Variants in ZRANB3 observed in about 807,000 individuals in gnomAD.
The protein encoded by ZRANB3 is DNA annealing helicase and endonuclease ZRANB3.
Under a neutral mutation model 133.8 loss-of-function variants are expected in ZRANB3, and 125 were observed. The ratio of observed to expected loss-of-function variants is 0.93; its 90% CI spans 0.81 to 1.08. The LOEUF is 1.08. Ranked by LOEUF, ZRANB3 falls within the 50% of genes least tolerant of loss-of-function variation. ZRANB3 has a pLI of 0.00. For missense variants in ZRANB3, 1,229 were observed against 1,275.5 expected (o/e 0.96, Z 0.56); for synonymous variants, 387 against 432.7 (o/e 0.89, Z 1.31).
At chr2:135,250,903 T>A (rs1679361614) in intron 12 of ZRANB3, among the ~76,000 whole-genome samples, 1 of 152,142 alleles carries the variant, frequency 6.6e-6, no homozygotes, top group Non-Finnish European at 1.5e-5. Flanking sequence ...CACTGCCTAG[T>A]GGAGCTGTGA....
At position 135,239,845 on chromosome 2, in the gene ZRANB3, G is replaced by A. The variant is rs112143674; in HGVS notation, c.1540-8918C>T. 3.0e-3 allele frequency among the ~76,000 whole-genome samples: 454 copies of A among 152,120 alleles called. 2 individuals are homozygous for A. Among genetic ancestry groups the A allele is most frequent in the African/African-American group, 0.01 (421 of 41,498 alleles). On this transcript the variant is annotated intron_variant, in intron 12 of 20. Coordinates refer to ENST00000264159, the MANE Select transcript of ZRANB3 (RefSeq NM_032143.4). Reference sequence around the variant, plus strand: ...CTACTAATACAAAAATTAGCTGGGCGTGGTGGCATGCACCTGTAGTCCCAG... The same window carrying A: ...CTACTAATACAAAAATTAGCTGGGCATGGTGGCATGCACCTGTAGTCCCAG...
At chr2:135,291,864 C>A (rs531137799) in intron 8 of ZRANB3, among the ~76,000 whole-genome samples, 1 of 151,766 alleles carries the variant, frequency 6.6e-6, no homozygotes, top group South Asian at 2.1e-4. Context: ...TTTCTCCTTG[C>A]GATAGTTTGC....
intron 8 of ZRANB3, among the ~76,000 whole-genome samples, chr2:135,292,866 G>A (rs1013193608): frequency 5.3e-5 from 8 of 151,848 alleles, no homozygotes; most frequent in Non-Finnish European, 1.2e-4. Context: ...TTTCCCCATT[G>A]CTTGTTTTTC....
chr2:135,520,654 G>A lies in ZRANB3; in HGVS notation c.-8+10473C>T, dbSNP rs370975388. Among the ~76,000 whole-genome samples, 10 of 151,676 alleles carry A rather than the reference G, an allele frequency of 6.6e-5. No individual in the cohort carries two copies. The East Asian group carries it at 1.4e-3, about 21-fold the overall frequency. On this transcript the variant is annotated intron_variant, in intron 1 of 20. Transcript: ENST00000264159. ...GGCTAGAGTGCAGTGGTGTGCTCTC[G>A]GCTCACTGCAACCTCCGGCTCCTGG...
rs1400156797 is a variant in ZRANB3 at position 135,230,529 on chromosome 2, A to C, written c.1938T>G (p.Thr646=). Residue 646 remains threonine (T), a synonymous_variant, in exon 13 of 21, where the codon ACT becomes ACG. Coordinates refer to ENST00000264159, the MANE Select transcript of ZRANB3 (RefSeq NM_032143.4). ...SELPYCEMCE[T]PQGSAVMQID... is the part of the protein sequence containing the mutation. Reference sequence around the variant, plus strand: ...TATACTCACCAGCACTGCCTTGAGGAGTCTCACACATTTCACAATAAGGTA... The same window carrying C: ...TATACTCACCAGCACTGCCTTGAGGCGTCTCACACATTTCACAATAAGGTA... The C allele has an allele frequency of 6.5e-7, 1 of 1,539,928 alleles. No homozygotes were observed. Among genetic ancestry groups the C allele is most frequent in the Non-Finnish European group, 8.7e-7 (1 of 1,146,782 alleles).
chr2:135,287,950 G>A (rs1420564158), intron 8 of ZRANB3, among the ~76,000 whole-genome samples: 1 of 152,032 alleles, frequency 6.6e-6, no homozygotes, highest in Non-Finnish European at 1.5e-5. Context: ...GACTGCTCTG[G>A]CTAGGACTTT....
intron 6 of ZRANB3, among the ~76,000 whole-genome samples, chr2:135,344,974 T>A (rs1277395789): frequency 6.6e-6 from 1 of 152,136 alleles, no homozygotes; most frequent in African/African-American, 2.4e-5. Context: ...ACTGCTTACA[T>A]GGGAAGGGAA....
chr2:135,506,761 C>T (rs1693208050), intron 1 of ZRANB3, among the ~76,000 whole-genome samples: 1 of 152,152 alleles, frequency 6.6e-6, no homozygotes, highest in African/African-American at 2.4e-5. Context: ...ATCTGACTTA[C>T]ATTTCAAAAA....
chr2:135,209,143 G>A (rs1693999804), intron 17 of ZRANB3, among the ~76,000 whole-genome samples, 165 bp from the exon 18 acceptor site: 1 of 152,048 alleles, frequency 6.6e-6, no homozygotes, highest in Admixed American at 6.5e-5. Flanking sequence ...CCTTTATCTT[G>A]GTGTCCATTA....
At chr2:135,209,032 T>G in intron 17 of ZRANB3, 54 bp from the exon 18 acceptor site, 1 of 1,512,862 alleles carries the variant, frequency 6.6e-7, no homozygotes, top group Non-Finnish European at 9.2e-7. Flanking sequence ...AAAATGTCTC[T>G]ATTGCATGTT....
intron 6 of ZRANB3, among the ~76,000 whole-genome samples, chr2:135,329,344 G>A (rs1684018800): frequency 6.6e-6 from 1 of 152,036 alleles, no homozygotes; most frequent in African/African-American, 2.4e-5. Context: ...GTTTTTGTTG[G>A]GTTTGTCAAA....
intron 3 of ZRANB3, among the ~76,000 whole-genome samples, chr2:135,378,921 T>G (rs141019783): frequency 6.6e-6 from 1 of 152,330 alleles, no homozygotes; most frequent in Non-Finnish European, 1.5e-5. Context: ...ATTGCTAATA[T>G]GCAGAGTAAT....
chr2:135,224,561 C>CT, intron 14 of ZRANB3, 44 bp from the exon 15 acceptor site: 1 of 1,442,324 alleles, frequency 6.9e-7, no homozygotes, highest in Non-Finnish European at 9.7e-7. Context: ...TATCTACCCT[C>CT]TATCTAAAAT....
At chr2:135,218,339 A>G (rs1272843883) in intron 16 of ZRANB3, among the ~76,000 whole-genome samples, 1 of 152,196 alleles carries the variant, frequency 6.6e-6, no homozygotes, top group Non-Finnish European at 1.5e-5. Context: ...GAAAAAAAAC[A>G]TCAATAAATC....
At chr2:135,524,301 C>T (rs1430157065) in intron 1 of ZRANB3, among the ~76,000 whole-genome samples, 2 of 152,000 alleles carry the variant, frequency 1.3e-5, no homozygotes, top group African/African-American at 2.4e-5. Flanking sequence ...AGGCTGGTCT[C>T]GAACTCCCGA....
intron 2 of ZRANB3, among the ~76,000 whole-genome samples, chr2:135,453,490 C>T (rs1690365418): frequency 6.6e-6 from 1 of 152,170 alleles, no homozygotes; most frequent in African/African-American, 2.4e-5. Context: ...AAACGGAATG[C>T]CTTTAACAGT....
chr2:135,276,138 CAGAA>C (rs1416921200), intron 8 of ZRANB3, among the ~76,000 whole-genome samples: 7 of 146,202 alleles, frequency 4.8e-5, no homozygotes, highest in African/African-American at 1.8e-4. Context: ...AAGGAGAAAA[CAGAA>C]AGCAAAAAAA....
At chr2:135,253,819 G>T (rs1454987220) in intron 12 of ZRANB3, among the ~76,000 whole-genome samples, 1 of 152,164 alleles carries the variant, frequency 6.6e-6, no homozygotes, top group Non-Finnish European at 1.5e-5. Flanking sequence ...ATTATGTGGT[G>T]TATGACTGTA....
chr2:135,271,953 T>C, intron 9 of ZRANB3, 66 bp from the exon 10 acceptor site: 1 of 1,405,744 alleles, frequency 7.1e-7, no homozygotes, highest in Non-Finnish European at 9.3e-7. Context: ...ATTTTATATA[T>C]TTTACAGCTT....
Sources: gnomAD v4.1 joint callset for allele counts (sites outside exome capture counted in the v4.1 genomes callset) on GRCh38, gnomAD v4.1.1 for gene constraint, MANE v1.5 for transcripts, NCBI Gene and HGNC (gene_info 2026-07-23, HGNC 2026-07-21) for gene names.